Variants in RNF144A observed in about 807,000 individuals in gnomAD.
The protein encoded by RNF144A is E3 ubiquitin-protein ligase RNF144A.
RNF144A carries 11 observed loss-of-function variants against 38.7 expected under a neutral mutation model. The observed-to-expected ratio is 0.28, with a 90% CI of 0.18 to 0.47. RNF144A has a LOEUF of 0.47. Among genes scored for constraint, RNF144A ranks in the 20% least tolerant of loss-of-function variants. The pLI is 0.99. For missense variants in RNF144A, 316 were observed against 377.2 expected, an observed-to-expected ratio of 0.84 and a Z score of 1.34; for synonymous variants, 149 against 143.9, an observed-to-expected ratio of 1.04 and a Z score of -0.25.
intron 6 of RNF144A, among the ~76,000 whole-genome samples, chr2:7,056,545 T>G (rs1300786735): frequency 6.6e-6 from 1 of 152,206 alleles, no homozygotes; most frequent in Admixed American, 6.5e-5. Flanking sequence ...ATTCTCAATC[T>G]GAGGGTATCT....
intron 3 of RNF144A, among the ~76,000 whole-genome samples, chr2:6,999,321 G>T (rs890466313): frequency 1.3e-5 from 2 of 152,232 alleles, no homozygotes; most frequent in Non-Finnish European, 2.9e-5. Context: ...AGGTGTCGGG[G>T]TGCCCTGGTC....
chr2:7,061,705 A>G (rs977707165), intron 6 of RNF144A, among the ~76,000 whole-genome samples: 1 of 152,178 alleles, frequency 6.6e-6, no homozygotes, highest in African/African-American at 2.4e-5. Flanking sequence ...TACATCTTAC[A>G]TTTACTTTGG....
chr2:6,955,088 TG>T (rs1666918439), intron 2 of RNF144A, among the ~76,000 whole-genome samples: 3 of 152,168 alleles, frequency 2.0e-5, no homozygotes, highest in Non-Finnish European at 4.4e-5. Flanking sequence ...AACAATGACA[TG>T]GCTTGTTAGG....
Position 6,944,768 on chromosome 2 carries a change from C to T in RNF144A, c.-12+3621C>T, listed in dbSNP as rs551264328. Among the ~76,000 whole-genome samples, 9 of 152,208 alleles carry T rather than the reference C, an allele frequency of 5.9e-5. No homozygotes were observed. The South Asian group carries it at 8.3e-4, about 14-fold the overall frequency. ...TGTTGGCCACGCCCACCTCCCAGGACGCTGTGTTTGGGAATCTGTCTCAAA... is the reference window on the plus strand; with the variant it reads ...TGTTGGCCACGCCCACCTCCCAGGATGCTGTGTTTGGGAATCTGTCTCAAA... On this transcript the variant is annotated intron_variant, in intron 2 of 8. Coordinates refer to ENST00000320892, the MANE Select transcript of RNF144A (RefSeq NM_014746.6). This position sits in a 1 kb window ranked among gnomAD's most constrained non-coding sequence, Gnocchi z 4.7.
rs924771962 is a variant in RNF144A at position 7,041,727 on chromosome 2, C to T, written c.*1967C>T. Reference sequence around the variant, plus strand: ...GCCTGTGGCCCTGTGTCCAGTGGCCCACAGGACACGCCTCCACCATATGCT... The same window carrying T: ...GCCTGTGGCCCTGTGTCCAGTGGCCTACAGGACACGCCTCCACCATATGCT... On this transcript the variant is annotated 3_prime_UTR_variant, in exon 9 of 9. Transcript: ENST00000320892. The T allele has an allele frequency of 3.0e-6, 3 of 985,504 alleles. No homozygotes were observed. Among genetic ancestry groups the T allele is most frequent in the Admixed American group, 6.1e-5 (1 of 16,280 alleles). 61.0% of individuals were successfully genotyped at this position (985,504 alleles called of 1,614,324 possible).
At chr2:7,029,568 G>A (rs1354735877) in intron 7 of RNF144A, among the ~76,000 whole-genome samples, 1 of 152,226 alleles carries the variant, frequency 6.6e-6, no homozygotes, top group Non-Finnish European at 1.5e-5. Flanking sequence ...GGAAAATCAA[G>A]TGGCCTGAGT....
chr2:7,023,140 G>C (rs1488660971), intron 6 of RNF144A, among the ~76,000 whole-genome samples: 2 of 152,182 alleles, frequency 1.3e-5, no homozygotes, highest in African/African-American at 2.4e-5. Flanking sequence ...GGATCTGTCT[G>C]TCTCAAGACT....
intron 2 of RNF144A, among the ~76,000 whole-genome samples, chr2:6,992,140 G>A (rs1669427747): frequency 6.6e-6 from 1 of 152,192 alleles, no homozygotes; most frequent in South Asian, 2.1e-4. Flanking sequence ...ACACAGCCTT[G>A]AGTGAGATAG....
At chr2:6,946,941 T>C (rs1267595761) in intron 2 of RNF144A, among the ~76,000 whole-genome samples, 1 of 152,180 alleles carries the variant, frequency 6.6e-6, no homozygotes, top group Admixed American at 6.5e-5. Flanking sequence ...GATCTGCTGA[T>C]TAAGTTGTCA....
chr2:6,926,056 G>A lies in RNF144A; in HGVS notation c.-212+8434G>A, dbSNP rs1664845692. Reference sequence around the variant, plus strand: ...TAATAGCAAGGCACTGAAGGTAGGTGCTTGCTTCCAGGTGCTGGTGCAGCG... The same window carrying A: ...TAATAGCAAGGCACTGAAGGTAGGTACTTGCTTCCAGGTGCTGGTGCAGCG... On this transcript the variant is annotated intron_variant, in intron 1 of 8. Coordinates refer to ENST00000320892, the MANE Select transcript of RNF144A (RefSeq NM_014746.6). Among the ~76,000 whole-genome samples the A allele has an allele frequency of 2.6e-5, 4 of 152,240 alleles. No individual in the cohort carries two copies. The South Asian group carries it at 8.3e-4, about 32-fold the overall frequency.
chr2:6,952,865 TTACAA>T (rs1336296100), intron 2 of RNF144A, among the ~76,000 whole-genome samples: 1 of 152,150 alleles, frequency 6.6e-6, no homozygotes, highest in Admixed American at 6.5e-5. Flanking sequence ...CTATTATTTA[TTACAA>T]TACAATTGTT....
At chr2:7,074,643 T>G in the RNF144A span, 3 of 152,208 alleles carry the variant, frequency 2.0e-5, no homozygotes, top group Non-Finnish European at 4.4e-5. Context: ...TCCTTTCATC[T>G]GGGTTATAAG....
intron 1 of RNF144A, among the ~76,000 whole-genome samples, chr2:6,920,323 G>T (rs1664455148): frequency 6.6e-6 from 1 of 152,188 alleles, no homozygotes; most frequent in Non-Finnish European, 1.5e-5. Flanking sequence ...ATGAACCCTT[G>T]TTGTAACCAT....
At chr2:7,025,219 C>T (rs550761627) in intron 7 of RNF144A, among the ~76,000 whole-genome samples, 1 of 152,360 alleles carries the variant, frequency 6.6e-6, no homozygotes, top group South Asian at 2.1e-4. Flanking sequence ...CACAATCTCC[C>T]AGGCCCACAC....
At chr2:6,921,008 AT>A (rs1242073481) in intron 1 of RNF144A, among the ~76,000 whole-genome samples, 3 of 152,204 alleles carry the variant, frequency 2.0e-5, no homozygotes, top group Non-Finnish European at 2.9e-5. Context: ...GTTGGATCAT[AT>A]TTTTTTTCCA....
intron 7 of RNF144A, among the ~76,000 whole-genome samples, chr2:7,029,383 T>A (rs1194786525): frequency 6.6e-6 from 1 of 152,100 alleles, no homozygotes; most frequent in Non-Finnish European, 1.5e-5. Flanking sequence ...GGGAACACAC[T>A]TAGAGAGACC....
intron 2 of RNF144A, among the ~76,000 whole-genome samples, chr2:6,980,190 A>T (rs904481574): frequency 6.6e-6 from 1 of 152,282 alleles, no homozygotes; most frequent in East Asian, 1.9e-4. Context: ...TAACCCATGT[A>T]ATTCCACCCC....
rs868088113 is a variant in RNF144A, at chr2:6,991,729, A to G, written c.-11-5187A>G. On this transcript the variant is annotated intron_variant, in intron 2 of 8. Coordinates refer to ENST00000320892, the MANE Select transcript of RNF144A (RefSeq NM_014746.6). ...AGTAGTATATGCAAATGGCGAACGC[A>G]ATGTCTGATGTACATTTAACAGTCT... Among the ~76,000 whole-genome samples, 40 of 152,298 alleles carry G rather than the reference A, an allele frequency of 2.6e-4. 1 individual carries two copies. Among genetic ancestry groups the G allele is most frequent in the African/African-American group, 9.6e-4 (40 of 41,556 alleles).
intron 2 of RNF144A, among the ~76,000 whole-genome samples, chr2:6,954,945 A>G (rs1666907556): frequency 6.6e-6 from 1 of 152,210 alleles, no homozygotes; most frequent in South Asian, 2.1e-4. Context: ...GGTGACCCAC[A>G]CACTACCGTT....
Sources: allele counts gnomAD v4.1 joint callset (sites outside exome capture counted in the v4.1 genomes callset), GRCh38; gene constraint gnomAD v4.1.1; non-coding constraint Gnocchi (gnomAD v3.1); transcripts MANE v1.5; gene names NCBI Gene and HGNC (gene_info 2026-07-23, HGNC 2026-07-21).